Variants in KIF1C observed in about 807,000 individuals in gnomAD.
KIF1C encodes the protein kinesin family member 1C, also known as kinesin-like protein KIF1C.
A neutral mutation model predicts 126.5 loss-of-function variants in KIF1C; 61 were observed. The ratio of observed to expected loss-of-function variants is 0.48; its 90% CI spans 0.39 to 0.60. The LOEUF (loss-of-function observed/expected upper bound fraction) is 0.60. Among genes scored for constraint, KIF1C ranks in the 20% least tolerant of loss-of-function variants. The pLI is 0.00. For missense variants in KIF1C, 1,315 were observed against 1,489.2 expected (o/e 0.88, Z 1.93); for synonymous variants, 640 against 580.6 (o/e 1.10, Z -1.47).
At chr17:4,999,053 C>T (rs966722564) in intron 1 of KIF1C, 3 of 151,084 alleles carry the variant, frequency 2.0e-5, no homozygotes, top group Admixed American at 2.0e-4. Flanking sequence ...ACAGGTATTT[C>T]TGGGCGCCCC....
intron 21 of KIF1C, among the ~76,000 whole-genome samples, chr17:5,021,717 A>C (rs192121712): frequency 1.6e-3 from 240 of 151,212 alleles, no homozygotes; most frequent in African/African-American, 5.5e-3. Context: ...CCTGGGCTCA[A>C]GTGATCCTCC....
chr17:4,998,307 C>G (rs1359221147), intron 1 of KIF1C, among the ~76,000 whole-genome samples, 151 bp downstream of exon 1: 1 of 152,148 alleles, frequency 6.6e-6, no homozygotes, highest in Admixed American at 6.5e-5. Flanking sequence ...GGTGCCAGGC[C>G]CGGGCGGCCG....
rs1975186020 is a variant in KIF1C, at chr17:5,025,053, T to C, written c.*902T>C. ...GCCCGGCTCATTACTGTTTTTTTTGTAGTGACGAGGTTTCACCATATTGGC... is the reference window on the plus strand; with the variant it reads ...GCCCGGCTCATTACTGTTTTTTTTGCAGTGACGAGGTTTCACCATATTGGC... On this transcript the variant is annotated 3_prime_UTR_variant, in exon 23 of 23. Coordinates refer to ENST00000320785, the MANE Select transcript of KIF1C (RefSeq NM_006612.6). The C allele has an allele frequency of 6.6e-6, 1 of 152,222 alleles. No homozygotes were observed. The allele number at this position is 152,222 out of a possible 1,614,324, so 9.4% of individuals were successfully genotyped here.
Position 5,020,462 on chromosome 17 carries a change from G to A in KIF1C, c.1751-30G>A, listed in dbSNP as rs28600139. ...GATGGATTTGGTGCTGATGGGAAGC[G>A]AGTTTACTTTTCCCTCCTCCCATCT... is the stretch of plus-strand genomic sequence containing the variant. On this transcript the variant is annotated intron_variant, in intron 19 of 22. Coordinates refer to ENST00000320785, the MANE Select transcript of KIF1C (RefSeq NM_006612.6). This position sits in a 1 kb window ranked among gnomAD's most constrained non-coding sequence, Gnocchi z 5.8. The A allele has an allele frequency of 0.042, 66,946 of 1,583,604 alleles. 1,893 individuals carry two copies. Among genetic ancestry groups the A allele is most frequent in the African/African-American group, 0.14 (10,120 of 74,194 alleles).
chr17:4,999,951 G>A lies in KIF1C; in HGVS notation c.-47G>A. On this transcript the variant is annotated 5_prime_UTR_variant, in exon 2 of 23. Transcript: ENST00000320785. ...AGCCAGAACTGATACAGCCCCCCTGGTCTGGGGCCAGGACGCCAGGTAACT... is the reference window on the plus strand; with the variant it reads ...AGCCAGAACTGATACAGCCCCCCTGATCTGGGGCCAGGACGCCAGGTAACT... 2 of 415,444 alleles carry A rather than the reference G, an allele frequency of 4.8e-6. No individual in the cohort carries two copies. Among genetic ancestry groups the A allele is most frequent in the South Asian group, 5.0e-5 (2 of 40,088 alleles). 25.7% of individuals were successfully genotyped at this position (415,444 alleles called of 1,614,324 possible). A position where few individuals can be genotyped will look rare whatever the true frequency, so the allele number is the denominator to read the frequency against.
At chr17:5,015,383 A>T (rs1974950821) in intron 18 of KIF1C, among the ~76,000 whole-genome samples, 1 of 151,586 alleles carries the variant, frequency 6.6e-6, no homozygotes, top group Admixed American at 6.6e-5. Flanking sequence ...TCCCGGGTTC[A>T]AGCAATTCTC....
At chr17:5,009,771 G>C (rs1974819076) in intron 16 of KIF1C, among the ~76,000 whole-genome samples, 1 of 145,236 alleles carries the variant, frequency 6.9e-6, no homozygotes, top group Non-Finnish European at 1.5e-5. Context: ...CTGGGTGACA[G>C]ACAAGACTCT....
chr17:5,009,165 A>C lies in KIF1C; in HGVS notation c.1491+1623A>C, dbSNP rs1440480517. On this transcript the variant is annotated intron_variant, in intron 16 of 22. Transcript: ENST00000320785. ...TTCCCACCCTTAAGTTTCCCCTCAG[A>C]GGCAGCCTTCATTATGAGTTCTTTT... is the stretch of plus-strand genomic sequence containing the variant. Among the ~76,000 whole-genome samples the C allele has an allele frequency of 2.0e-5, 3 of 150,052 alleles. No individual in the cohort carries two copies. The East Asian group carries it at 5.9e-4, about 29-fold the overall frequency.
rs1213139314 is a variant in KIF1C, at chr17:5,023,736, C to T, written c.2897C>T (p.Pro966Leu). Residue 966 changes from proline (P) to leucine (L), a missense_variant, in exon 23 of 23, where the codon CCA becomes CTA. Transcript: ENST00000320785. The surrounding 1 kb of genome is among the most constrained non-coding windows in gnomAD (Gnocchi z 4.2). ...GGRGGGLRRPPARFVPPHDCK... is the reference protein window; with the variant it reads ...GGRGGGLRRPLARFVPPHDCK... ...CGGGGCGGGGGGCTGCGCAGGCCCC[C>T]AGCCCGCTTTGTGCCCCCTCACGAC... 2.6e-6 allele frequency: 4 copies of T among 1,527,172 alleles called. No individual in the cohort carries two copies. The highest frequency in any genetic ancestry group is 2.3e-5 in the East Asian group (1 of 44,168). The allele number at this position is 1,527,172 out of a possible 1,614,324, so 94.6% of individuals were successfully genotyped here.
chr17:5,022,206 A>G lies in KIF1C; in HGVS notation c.2125A>G (p.Lys709Glu). 6.2e-7 allele frequency: 1 copy of G among 1,614,158 alleles called. No homozygotes were observed. The highest frequency in any genetic ancestry group is 8.5e-7 in the Non-Finnish European group (1 of 1,180,044). ...LPPTTVQTIV[K>E]RCGLPSSGKR... The stretch of plus-strand genomic sequence containing the variant: ...GCCCACCACGGTCCAGACCATTGTC[A>G]AACGCTGTGGTCTGCCCAGCAGTGG... The change falls in exon 22 of 23, where the codon AAA (lysine) becomes GAA (glutamate). Residue 709 changes from lysine (K) to glutamate (E), a missense_variant. By Grantham distance (56) the Lys-to-Glu change is moderately conservative. Coordinates refer to ENST00000320785, the MANE Select transcript of KIF1C (RefSeq NM_006612.6). The surrounding 1 kb of genome is among the most constrained non-coding windows in gnomAD (Gnocchi z 4.9).
At chr17:5,015,384 A>G (rs552075879) in intron 18 of KIF1C, among the ~76,000 whole-genome samples, 49 of 151,748 alleles carry the variant, frequency 3.2e-4, no homozygotes, top group Non-Finnish European at 2.8e-4. Flanking sequence ...CCCGGGTTCA[A>G]GCAATTCTCC....
chr17:5,000,486 G>T, intron 3 of KIF1C, 134 bp downstream of exon 3: 1 of 695,998 alleles, frequency 1.4e-6, no homozygotes. Flanking sequence ...AAGGGCGGGG[G>T]CTGGGGCAGG....
chr17:5,016,140 C>CTT (rs113644919), intron 18 of KIF1C, among the ~76,000 whole-genome samples: 4 of 136,784 alleles, frequency 2.9e-5, no homozygotes, highest in Non-Finnish European at 3.2e-5. Context: ...ATGGTCAGCA[C>CTT]TTTTTTTTTT....
chr17:5,022,107 A>G lies in KIF1C; in HGVS notation c.2026A>G (p.Ser676Gly). The change falls in exon 22 of 23, where the codon AGC (serine) becomes GGC (glycine). Residue 676 changes from serine to glycine, a missense_variant. Ser to Gly is a moderately conservative substitution (Grantham distance 56). Around this residue, in one of 2 missense-constraint regions of KIF1C, gnomAD observed 874 missense variants for 1,053.2 expected, o/e 0.83. Transcript: ENST00000320785. This position sits in a 1 kb window ranked among gnomAD's most constrained non-coding sequence, Gnocchi z 4.9. ...EQQRLYADSD[S>G]GDDSDKRSCE... ...CTGGCCCCAGTATGCAGACTCGGACAGCGGGGATGACTCTGACAAGCGCTC... is the reference window on the plus strand; with the variant it reads ...CTGGCCCCAGTATGCAGACTCGGACGGCGGGGATGACTCTGACAAGCGCTC... 6.2e-7 allele frequency: 1 copy of G among 1,605,722 alleles called. No homozygotes were observed. Among genetic ancestry groups the G allele is most frequent in the Non-Finnish European group, 8.5e-7 (1 of 1,173,946 alleles).
intron 7 of KIF1C, 27 bp downstream of exon 7, chr17:5,002,669 C>T (rs1381767973): frequency 1.2e-6 from 2 of 1,611,414 alleles, no homozygotes; most frequent in Non-Finnish European, 1.7e-6. Flanking sequence ...GAGCAGAGGG[C>T]AAGGGGGCCA....
In KIF1C at chr17:5,020,117, G is replaced by A; in HGVS notation, c.1750+38G>A. ...TCGCAGATTGAGGGTTCTGGGGCGT[G>A]GCTGTGTGTAGGAAGTCTCAAGGGA... is the stretch of plus-strand genomic sequence containing the variant. On this transcript the variant is annotated intron_variant, in intron 19 of 22. Coordinates refer to ENST00000320785, the MANE Select transcript of KIF1C (RefSeq NM_006612.6). The surrounding 1 kb of genome is among the most constrained non-coding windows in gnomAD (Gnocchi z 5.8). The A allele has an allele frequency of 6.6e-7, 1 of 1,507,328 alleles. No homozygotes were observed. The highest frequency in any genetic ancestry group is 9.1e-7 in the Non-Finnish European group (1 of 1,104,164). The allele number at this position is 1,507,328 out of a possible 1,614,324, so 93.4% of individuals were successfully genotyped here.
chr17:5,012,494 G>T (rs1011564918), intron 16 of KIF1C, among the ~76,000 whole-genome samples: 7 of 152,068 alleles, frequency 4.6e-5, no homozygotes, highest in Admixed American at 4.6e-4. Context: ...AGCCTGGGAG[G>T]GGGGCTTGGA....
At chr17:5,013,855 C>A in intron 17 of KIF1C, 123 bp downstream of exon 17, 1 of 696,402 alleles carries the variant, frequency 1.4e-6, no homozygotes, top group South Asian at 1.7e-5. Flanking sequence ...CTCTAAACAG[C>A]TGCCTCCACA....
intron 16 of KIF1C, among the ~76,000 whole-genome samples, chr17:5,010,188 A>C (rs916435519): frequency 2.0e-5 from 3 of 152,172 alleles, no homozygotes; most frequent in African/African-American, 7.2e-5. Context: ...GGCCTCCTGA[A>C]GTGCTGGTAT....
Sources: gnomAD v4.1 joint callset for allele counts (sites outside exome capture counted in the v4.1 genomes callset) on GRCh38, gnomAD v4.1.1 for gene constraint, gnomAD v4.1.1 regional missense constraint, Gnocchi (gnomAD v3.1) non-coding constraint, MANE v1.5 for transcripts, NCBI Gene and HGNC (gene_info 2026-07-23, HGNC 2026-07-21) for gene names.